Variants in ASZ1 observed in about 807,000 individuals in gnomAD.
ASZ1 encodes ankyrin repeat, SAM and basic leucine zipper domain containing 1.
A neutral mutation model predicts 61.8 loss-of-function variants in ASZ1; 67 were observed. The ratio of observed to expected loss-of-function variants is 1.08; its 90% CI spans 0.89 to 1.33. ASZ1 has a LOEUF of 1.33. ASZ1 is among the 40% of genes most tolerant of loss of function. The probability of loss-of-function intolerance (pLI) is 0.00; values close to 1 mark genes in which losing one functional copy is unlikely to be tolerated. For missense variants in ASZ1, 577 were observed against 554.5 expected, an observed-to-expected ratio of 1.04 and a Z score of -0.41; for synonymous variants, 193 against 192.7, an observed-to-expected ratio of 1.00 and a Z score of -0.01.
chr7:117,383,131 T>G (rs1380505867), intron 6 of ASZ1, 21 bp from the exon 7 acceptor site: 1 of 1,521,228 alleles, frequency 6.6e-7, no homozygotes, highest in Non-Finnish European at 8.8e-7. Context: ...TTAACATCAT[T>G]CAAATATAAT....
chr7:117,401,829 G>A (rs912931870), intron 4 of ASZ1, among the ~76,000 whole-genome samples: 7 of 152,108 alleles, frequency 4.6e-5, no homozygotes, highest in East Asian at 3.9e-4. Context: ...GGCCACTCCC[G>A]GATTCCTTAG....
intron 4 of ASZ1, 148 bp downstream of exon 4, chr7:117,420,015 T>A (rs1278368090): frequency 1.8e-6 from 1 of 545,030 alleles, no homozygotes; most frequent in Non-Finnish European, 3.2e-6. Context: ...CCTCTGATAA[T>A]CTTATAGAAT....
At chr7:117,405,787 T>C (rs886653477) in intron 4 of ASZ1, among the ~76,000 whole-genome samples, 2 of 152,166 alleles carry the variant, frequency 1.3e-5, no homozygotes, top group African/African-American at 4.8e-5. Context: ...GAACGAGCCA[T>C]AGGGTTTATT....
In ASZ1 at chr7:117,379,134, TA is replaced by T. The variant is rs1284057603; in HGVS notation, c.1055+803del. Among the ~76,000 whole-genome samples the T allele has an allele frequency of 9.7e-3, 775 of 79,896 alleles. 11 individuals are homozygous for T. Among genetic ancestry groups the T allele is most frequent in the African/African-American group, 0.029 (723 of 24,828 alleles). The allele number at this position is 79,896 out of a possible 152,430, so 52.4% of individuals were successfully genotyped here. On this transcript the variant is annotated intron_variant, in intron 10 of 12. Transcript: ENST00000284629. Reference sequence around the variant, plus strand: ...CATGAAGCTATAAATGTGATAAAATTATATATATATATATATATATATATAT... The same window carrying T: ...CATGAAGCTATAAATGTGATAAAATTTATATATATATATATATATATATAT...
At chr7:117,409,192 A>G (rs142610232) in intron 4 of ASZ1, among the ~76,000 whole-genome samples, 18 of 152,150 alleles carry the variant, frequency 1.2e-4, no homozygotes, top group African/African-American at 4.3e-4. Flanking sequence ...TAACCACATT[A>G]TATTATTTTA....
intron 4 of ASZ1, among the ~76,000 whole-genome samples, chr7:117,405,077 T>C (rs184463411): frequency 6.6e-6 from 1 of 152,166 alleles, no homozygotes; most frequent in Admixed American, 6.5e-5. Context: ...ACTTTTACCT[T>C]GGTGGTGGCC....
At chr7:117,397,124 C>A (rs1318790156) in intron 4 of ASZ1, among the ~76,000 whole-genome samples, 2 of 151,814 alleles carry the variant, frequency 1.3e-5, no homozygotes, top group Admixed American at 6.6e-5. Flanking sequence ...CACCTATAGT[C>A]CAACTTCTTG....
At chr7:117,412,502 C>G (rs1179532250) in intron 4 of ASZ1, among the ~76,000 whole-genome samples, 1 of 151,876 alleles carries the variant, frequency 6.6e-6, no homozygotes, top group Admixed American at 6.6e-5. Flanking sequence ...ACATTTACAA[C>G]TAAATTTATG....
chr7:117,422,799 T>C (rs1182007844), intron 2 of ASZ1, among the ~76,000 whole-genome samples: 3 of 152,172 alleles, frequency 2.0e-5, no homozygotes, highest in African/African-American at 7.2e-5. Flanking sequence ...ACACTAAACT[T>C]ACCCATGGGT....
At chr7:117,368,820 T>TAG (rs1795994403) in intron 10 of ASZ1, 103 bp from the exon 11 acceptor site, 1 of 1,554,912 alleles carries the variant, frequency 6.4e-7, no homozygotes, top group Non-Finnish European at 8.6e-7. Flanking sequence ...AATTAGATTC[T>TAG]TCCAAAAGAA....
chr7:117,426,589 A>C (rs2116548939), intron 2 of ASZ1, among the ~76,000 whole-genome samples: 1 of 151,936 alleles, frequency 6.6e-6, no homozygotes, highest in Admixed American at 6.6e-5. Flanking sequence ...GTGGGATAGG[A>C]TTAGAGTAGG....
intron 8 of ASZ1, 31 bp downstream of exon 8, chr7:117,382,038 A>G: frequency 3.7e-6 from 5 of 1,336,348 alleles, no homozygotes; most frequent in Non-Finnish European, 5.4e-6. Context: ...ACATATATGC[A>G]TAACTCACTG....
chr7:117,385,293 CTT>C (rs1796332019), intron 5 of ASZ1, among the ~76,000 whole-genome samples: 2 of 151,350 alleles, frequency 1.3e-5, no homozygotes, highest in South Asian at 2.1e-4. Context: ...GAGTTTCGCT[CTT>C]GTTGCCCAGG....
intron 8 of ASZ1, among the ~76,000 whole-genome samples, chr7:117,381,701 C>A (rs1796257399): frequency 6.6e-6 from 1 of 152,032 alleles, no homozygotes; most frequent in South Asian, 2.1e-4. Flanking sequence ...ATATTTAAGT[C>A]ACATATTTCA....
intron 2 of ASZ1, 84 bp from the exon 3 acceptor site, chr7:117,422,443 A>G: frequency 7.1e-7 from 1 of 1,414,164 alleles, no homozygotes; most frequent in Non-Finnish European, 9.5e-7. Context: ...AGTACTGTGT[A>G]AAGTGACGTA....
rs757525602 is a variant in ASZ1 at position 117,427,473 on chromosome 7, A to C, written c.-13T>G. 9.9e-6 allele frequency: 16 copies of C among 1,613,334 alleles called. No individual in the cohort carries two copies. Among genetic ancestry groups the C allele is most frequent in the African/African-American group, 1.3e-5 (1 of 74,940 alleles). ...CGCTCGCCGCCATGCCAGCCAAGGAAGCTCCCTGTCGGCACCGCGCGCCCT... is the reference window on the plus strand; with the variant it reads ...CGCTCGCCGCCATGCCAGCCAAGGACGCTCCCTGTCGGCACCGCGCGCCCT... On this transcript the variant is annotated 5_prime_UTR_variant, in exon 1 of 13. Transcript: ENST00000284629.
chr7:117,413,793 G>C (rs1796940810), intron 4 of ASZ1, among the ~76,000 whole-genome samples: 1 of 152,020 alleles, frequency 6.6e-6, no homozygotes, highest in Non-Finnish European at 1.5e-5. Flanking sequence ...GTTTGCATGG[G>C]AAGGAAAGAA....
At chr7:117,373,085 G>A (rs1020859245) in intron 10 of ASZ1, among the ~76,000 whole-genome samples, 3 of 152,056 alleles carry the variant, frequency 2.0e-5, no homozygotes, top group Admixed American at 2.0e-4. Flanking sequence ...GATGGACATA[G>A]TTTTGAGATG....
chr7:117,425,228 A>G (rs974189605), intron 2 of ASZ1, among the ~76,000 whole-genome samples: 9 of 150,558 alleles, frequency 6.0e-5, no homozygotes, highest in Non-Finnish European at 1.2e-4. Flanking sequence ...ATCAAACTGA[A>G]GTAAATGCTT....
Sources: allele counts gnomAD v4.1 joint callset (sites outside exome capture counted in the v4.1 genomes callset), GRCh38; gene constraint gnomAD v4.1.1; transcripts MANE v1.5; gene names NCBI Gene and HGNC (gene_info 2026-07-23, HGNC 2026-07-21).